The following EXOC4 variants were observed in gnomAD, a reference collection of about 807,000 sequenced individuals.
EXOC4 encodes exocyst complex component 4.
Under a neutral mutation model 107.2 loss-of-function variants are expected in EXOC4, and 71 were observed. The observed-to-expected ratio is 0.66, with a 90% CI of 0.55 to 0.81. The LOEUF (loss-of-function observed/expected upper bound fraction) is 0.81, where lower values mean the gene tolerates loss of function less well. Among genes scored for constraint, EXOC4 ranks in the 30% least tolerant of loss-of-function variants. The pLI is 0.00. For synonymous variants in EXOC4, 456 were observed against 441.2 expected (o/e 1.03, Z -0.42); for missense variants, 1,108 against 1,189.6 (o/e 0.93, Z 1.01).
chr7:133,816,959 T>G (rs965999212), intron 10 of EXOC4, among the ~76,000 whole-genome samples: 1 of 152,166 alleles, frequency 6.6e-6, no homozygotes, highest in East Asian at 1.9e-4. Flanking sequence ...GATGTAAAGG[T>G]TTCGGTGGGA....
chr7:134,009,636 C>T (rs575274750), intron 17 of EXOC4, among the ~76,000 whole-genome samples: 33 of 152,140 alleles, frequency 2.2e-4, no homozygotes, highest in Admixed American at 1.0e-3. Flanking sequence ...TTTGGTCGCT[C>T]TTATGGGGAA....
At chr7:133,357,990 G>A (rs1584848819) in intron 6 of EXOC4, among the ~76,000 whole-genome samples, 1 of 152,004 alleles carries the variant, frequency 6.6e-6, no homozygotes, top group Non-Finnish European at 1.5e-5. Flanking sequence ...GAGTTCGAGA[G>A]CAGCCTGGCC....
At chr7:133,773,122 A>C (rs910891663) in intron 10 of EXOC4, among the ~76,000 whole-genome samples, 3 of 151,956 alleles carry the variant, frequency 2.0e-5, no homozygotes, top group Non-Finnish European at 2.9e-5. Context: ...GTGCCTCCTA[A>C]GGGACATAAG....
At chr7:133,763,325 A>G (rs1028998073) in intron 10 of EXOC4, among the ~76,000 whole-genome samples, 1 of 152,136 alleles carries the variant, frequency 6.6e-6, no homozygotes, top group Non-Finnish European at 1.5e-5. Flanking sequence ...GTAACAAATT[A>G]AAATTCCTGT....
At chr7:133,265,844 A>G (rs1737191075) in intron 1 of EXOC4, among the ~76,000 whole-genome samples, 1 of 152,166 alleles carries the variant, frequency 6.6e-6, no homozygotes, top group African/African-American at 2.4e-5. Context: ...TACATTAAAT[A>G]TTTCTTATAG....
At chr7:133,630,395 G>A (rs1480724807) in intron 10 of EXOC4, among the ~76,000 whole-genome samples, 1 of 151,320 alleles carries the variant, frequency 6.6e-6, no homozygotes, top group Non-Finnish European at 1.5e-5. Flanking sequence ...TCCCTCTCCT[G>A]CCCTCTTCCC....
At chr7:134,026,159 A>G (rs559546483) in intron 17 of EXOC4, among the ~76,000 whole-genome samples, 2 of 152,154 alleles carry the variant, frequency 1.3e-5, no homozygotes, top group Non-Finnish European at 2.9e-5. Context: ...GCTTTAACCA[A>G]GGATTCAGAC....
At chr7:133,650,896 A>T (rs1461320531) in intron 10 of EXOC4, among the ~76,000 whole-genome samples, 1 of 147,086 alleles carries the variant, frequency 6.8e-6, no homozygotes, top group Non-Finnish European at 1.5e-5. Context: ...TTCATTTAGG[A>T]TTATAAATAA....
the EXOC4 span, among the ~76,000 whole-genome samples, chr7:134,080,107 T>C: frequency 6.6e-6 from 1 of 152,204 alleles, no homozygotes; most frequent in Non-Finnish European, 1.5e-5. Flanking sequence ...CATGATTAGC[T>C]CTTAACTTAC....
intron 5 of EXOC4, 107 bp downstream of exon 5, chr7:133,317,497 TG>T (rs1795017710): frequency 1.4e-6 from 1 of 728,028 alleles, no homozygotes; most frequent in Non-Finnish European, 2.4e-6. Flanking sequence ...CTGGGCTAGG[TG>T]GGCCTGAGCT....
chr7:133,512,585 C>T (rs1377714302), intron 9 of EXOC4, among the ~76,000 whole-genome samples: 2 of 151,948 alleles, frequency 1.3e-5, no homozygotes, highest in South Asian at 4.2e-4. Flanking sequence ...TGTGAAGGCT[C>T]CCAGTGAAGA....
At chr7:133,903,811 C>G (rs546795172) in intron 12 of EXOC4, among the ~76,000 whole-genome samples, 1 of 152,052 alleles carries the variant, frequency 6.6e-6, no homozygotes, top group Non-Finnish European at 1.5e-5. Flanking sequence ...AGAAGAGGAC[C>G]ATGGACTTTT....
At chr7:133,766,905 C>T (rs1796149270) in intron 10 of EXOC4, among the ~76,000 whole-genome samples, 1 of 151,910 alleles carries the variant, frequency 6.6e-6, no homozygotes, top group South Asian at 2.1e-4. Context: ...TTGAGTCTTT[C>T]CCATTTCATT....
At chr7:133,590,244 T>C (rs1801509690) in intron 9 of EXOC4, among the ~76,000 whole-genome samples, 1 of 152,172 alleles carries the variant, frequency 6.6e-6, no homozygotes, top group Non-Finnish European at 1.5e-5. Flanking sequence ...ATTTCACCAC[T>C]CTTCCACCCA....
At chr7:134,050,246 C>G (rs1795753773) in intron 17 of EXOC4, among the ~76,000 whole-genome samples, 1 of 152,130 alleles carries the variant, frequency 6.6e-6, no homozygotes, top group Non-Finnish European at 1.5e-5. Context: ...TATTTTGTAC[C>G]ATTATCTTTT....
intron 14 of EXOC4, among the ~76,000 whole-genome samples, chr7:133,952,984 G>A (rs898045427): frequency 6.6e-6 from 1 of 152,156 alleles, no homozygotes; most frequent in Non-Finnish European, 1.5e-5. Flanking sequence ...TCAAGTCCTG[G>A]TTTTCAGATC....
intron 14 of EXOC4, among the ~76,000 whole-genome samples, chr7:133,971,841 A>T (rs1031564905): frequency 6.6e-6 from 1 of 152,242 alleles, no homozygotes; most frequent in Non-Finnish European, 1.5e-5. Context: ...ATTAGTGTTT[A>T]CTGAGCTGAT....
chr7:134,046,915 C>G (rs1021307177), intron 17 of EXOC4, among the ~76,000 whole-genome samples: 2 of 152,138 alleles, frequency 1.3e-5, no homozygotes, highest in African/African-American at 4.8e-5. Context: ...ATGTTGCGCT[C>G]CAAAGGCAGA....
chr7:134,049,416 A>G (rs1215877869), intron 17 of EXOC4, among the ~76,000 whole-genome samples: 1 of 151,978 alleles, frequency 6.6e-6, no homozygotes, highest in Non-Finnish European at 1.5e-5. Flanking sequence ...CCCACACCCC[A>G]TGCACTCCAG....
Sources: gnomAD v4.1 joint callset for allele counts (sites outside exome capture counted in the v4.1 genomes callset) on GRCh38, gnomAD v4.1.1 for gene constraint, MANE v1.5 for transcripts, NCBI Gene and HGNC (gene_info 2026-07-23, HGNC 2026-07-21) for gene names.